The following AKAP12 variants were observed in gnomAD, a reference collection of about 807,000 sequenced individuals.
The protein encoded by AKAP12 is A-kinase anchoring protein 12.
A neutral mutation model predicts 79.9 loss-of-function variants in AKAP12; 32 were observed. The ratio of observed to expected loss-of-function variants is 0.40; its 90% CI spans 0.30 to 0.54. The LOEUF (loss-of-function observed/expected upper bound fraction) is 0.54, where lower values mean the gene tolerates loss of function less well. Ranked by LOEUF, AKAP12 falls within the 20% of genes least tolerant of loss-of-function variation. AKAP12 has a pLI of 0.48. For synonymous variants in AKAP12, 808 were observed against 857.0 expected (o/e 0.94, Z 1.00); for missense variants, 2,074 against 2,177.0 (o/e 0.95, Z 0.94).
intron 4 of AKAP12, 86 bp downstream of exon 4, chr6:151,353,838 AT>A: frequency 1.2e-6 from 1 of 863,660 alleles, no homozygotes; most frequent in African/African-American, 1.7e-5. Flanking sequence ...GGAGCAAATA[AT>A]TAATGCCTTC....
chr6:151,243,755 C>T (rs922036058), intron 2 of AKAP12, among the ~76,000 whole-genome samples: 1 of 152,004 alleles, frequency 6.6e-6, no homozygotes, highest in Non-Finnish European at 1.5e-5. Flanking sequence ...GAGACATGGC[C>T]GTTTCACAAC....
In AKAP12 at chr6:151,343,678, G is replaced by A. The variant is rs187359838; in HGVS notation, c.320-5033G>A. Reference sequence around the variant, plus strand: ...AGCCACCTGTAATCCCAGCTACTTGGGAAGCTGAGGCAGGAGAATCGCTTG... The same window carrying A: ...AGCCACCTGTAATCCCAGCTACTTGAGAAGCTGAGGCAGGAGAATCGCTTG... On this transcript the variant is annotated intron_variant, in intron 3 of 4. Coordinates refer to ENST00000402676, the MANE Select transcript of AKAP12 (RefSeq NM_005100.4). Among the ~76,000 whole-genome samples, 519 of 152,256 alleles carry A rather than the reference G, an allele frequency of 3.4e-3. 1 individual carries two copies. Among genetic ancestry groups the A allele is most frequent in the Non-Finnish European group, 5.8e-3 (397 of 68,020 alleles).
At position 151,353,097 on chromosome 6, in the gene AKAP12, C is replaced by T. The variant is rs562855682; in HGVS notation, c.4706C>T (p.Thr1569Ile). The T allele has an allele frequency of 6.2e-7, 1 of 1,614,178 alleles. No homozygotes were observed. Among genetic ancestry groups the T allele is most frequent in the South Asian group, 1.1e-5 (1 of 91,076 alleles). ...TTTGTACGTACAGAAGAAACAGCCA[C>T]CGAAATGTTGACGTCTGAGTTACAG... ...DQFVRTEETA[T>I]EMLTSELQTQ... Residue 1569 changes from threonine to isoleucine, a missense_variant, in exon 4 of 5, where the codon ACC becomes ATC. Physicochemically the swap from Thr to Ile is moderately conservative, Grantham distance 89. Coordinates refer to ENST00000402676, the MANE Select transcript of AKAP12 (RefSeq NM_005100.4).
rs747078366 is a variant in AKAP12 at position 151,348,820 on chromosome 6, C to T, written c.429C>T (p.Pro143=). 3.3e-5 allele frequency: 53 copies of T among 1,613,780 alleles called. No individual in the cohort carries two copies. The South Asian group carries it at 5.1e-4, about 15-fold the overall frequency. The change falls in exon 4 of 5, where the codon CCC becomes CCT. Residue 143 remains proline (P), a synonymous_variant. Transcript: ENST00000402676. ...CAGATGATGGGCAGGAGGAGACACC[C>T]GAAATAATCGAACAGATTCCTTCTT... The part of the protein sequence containing the change: ...DITDDGQEET[P]EIIEQIPSSE...
intron 3 of AKAP12, among the ~76,000 whole-genome samples, chr6:151,344,846 T>TAAC (rs1342342623): frequency 6.6e-6 from 1 of 152,172 alleles, no homozygotes; most frequent in East Asian, 1.9e-4. Flanking sequence ...GTTTTTTATT[T>TAAC]AACTTTCTGG....
intron 3 of AKAP12, chr6:151,325,547 G>A (rs1472246245): frequency 1.6e-6 from 2 of 1,257,750 alleles, no homozygotes; most frequent in East Asian, 3.9e-5. Flanking sequence ...CCCGGGCGGG[G>A]AAGTTTGCGC....
intron 2 of AKAP12, among the ~76,000 whole-genome samples, chr6:151,282,892 A>G (rs928500459): frequency 6.6e-6 from 1 of 152,244 alleles, no homozygotes; most frequent in Admixed American, 6.5e-5. Flanking sequence ...GAAAGTTGCT[A>G]TCTTCATCTT....
chr6:151,351,352 C>G lies in AKAP12; in HGVS notation c.2961C>G (p.Ala987=), dbSNP rs201486403. ...TAAETAGPLG[A]EEGTEASAAE... ...CAGAAACTGCAGGGCCATTGGGTGC[C>G]GAAGAAGGAACCGAAGCATCTGCTG... Residue 987 remains alanine (A), a synonymous_variant, in exon 4 of 5, where the codon GCC becomes GCG. Transcript: ENST00000402676. The surrounding 1 kb of genome is among the most constrained non-coding windows in gnomAD (Gnocchi z 4.4). 2.5e-6 allele frequency: 4 copies of G among 1,614,110 alleles called. No individual in the cohort carries two copies. The South Asian group carries it at 4.4e-5, about 18-fold the overall frequency.
intron 3 of AKAP12, chr6:151,341,659 G>T (rs1224909464): frequency 8.8e-7 from 1 of 1,138,662 alleles, no homozygotes; most frequent in Admixed American, 4.3e-5. Flanking sequence ...GGCTGCGCGC[G>T]CCATGCCCTG....
chr6:151,310,364 C>CAA (rs540889501), intron 3 of AKAP12, among the ~76,000 whole-genome samples: 1 of 142,882 alleles, frequency 7.0e-6, no homozygotes, highest in African/African-American at 2.6e-5. Flanking sequence ...AACTCCATCT[C>CAA]AAAAAAAAAA....
In AKAP12 at chr6:151,349,892, G is replaced by A; in HGVS notation, c.1501G>A (p.Glu501Lys). The A allele has an allele frequency of 6.2e-7, 1 of 1,614,188 alleles. No individual in the cohort carries two copies. The highest frequency in any genetic ancestry group is 2.2e-5 in the East Asian group (1 of 44,874). ...CCCCGAAGGCGTTGTGAGTGAGGTG[G>A]AAATGCTGTCATCACAGGAGAGAAT... Reference protein sequence around the residue: ...KPPEGVVSEVEMLSSQERMKV... With the variant: ...KPPEGVVSEVKMLSSQERMKV... Residue 501 changes from glutamate to lysine, a missense_variant, in exon 4 of 5, where the codon GAA (glutamate) becomes AAA (lysine). By Grantham distance (56) the Glu-to-Lys change is moderately conservative. Transcript: ENST00000402676.
intron 3 of AKAP12, among the ~76,000 whole-genome samples, chr6:151,315,425 A>T (rs939968538): frequency 6.6e-6 from 1 of 152,162 alleles, no homozygotes; most frequent in Non-Finnish European, 1.5e-5. Context: ...TGAGTGCTCC[A>T]TCCTGAGGCT....
chr6:151,331,062 A>G (rs1000368905), intron 3 of AKAP12, among the ~76,000 whole-genome samples: 1 of 152,246 alleles, frequency 6.6e-6, no homozygotes, highest in African/African-American at 2.4e-5. Context: ...ATCTGGAGAT[A>G]AACCCAGGTT....
chr6:151,254,410 T>C (rs1183423485), intron 2 of AKAP12, among the ~76,000 whole-genome samples: 1 of 152,036 alleles, frequency 6.6e-6, no homozygotes, highest in Non-Finnish European at 1.5e-5. Flanking sequence ...GGAGTGCAGT[T>C]GTGTGATCTC....
intron 3 of AKAP12, among the ~76,000 whole-genome samples, chr6:151,328,653 AT>A (rs1157112034): frequency 6.9e-6 from 1 of 145,862 alleles, no homozygotes; most frequent in African/African-American, 2.6e-5. Context: ...AAAAAAAAAA[AT>A]TAAATTGACA....
intron 3 of AKAP12, among the ~76,000 whole-genome samples, chr6:151,316,704 C>T (rs1032956279): frequency 4.6e-5 from 7 of 152,144 alleles, no homozygotes; most frequent in African/African-American, 1.4e-4. Context: ...GATCTCGGCT[C>T]GCTGCAACCT....
intron 2 of AKAP12, among the ~76,000 whole-genome samples, chr6:151,297,469 A>T (rs1662023188): frequency 6.6e-6 from 1 of 150,938 alleles, no homozygotes; most frequent in African/African-American, 2.4e-5. Context: ...GCTACTCAGG[A>T]GGCTGAGGCA....
In AKAP12 at chr6:151,353,152, C is replaced by CCAGGA. The variant is rs1778347017; in HGVS notation, c.4763_4767dup (p.Ala1590ArgfsTer47). ...AAGCTCACGTGATAAAAGCTGACAG[C>CCAGGA]CAGGACGCTGGACAGGAAACGGAGA... On this transcript the variant is annotated frameshift_variant, in exon 4 of 5. Coordinates refer to ENST00000402676, the MANE Select transcript of AKAP12 (RefSeq NM_005100.4). LOFTEE classifies it low-confidence loss of function (END_TRUNC). The CCAGGA allele has an allele frequency of 6.2e-7, 1 of 1,614,030 alleles. No individual in the cohort carries two copies. Among genetic ancestry groups the CCAGGA allele is most frequent in the Non-Finnish European group, 8.5e-7 (1 of 1,180,038 alleles).
At chr6:151,348,101 C>T (rs1336146496) in intron 3 of AKAP12, among the ~76,000 whole-genome samples, 1 of 151,644 alleles carries the variant, frequency 6.6e-6, no homozygotes, top group Non-Finnish European at 1.5e-5. Flanking sequence ...TGCAGTGAGC[C>T]ACGATCGTGC....
Sources: allele counts gnomAD v4.1 joint callset (sites outside exome capture counted in the v4.1 genomes callset), GRCh38; gene constraint gnomAD v4.1.1; non-coding constraint Gnocchi (gnomAD v3.1); transcripts MANE v1.5; gene names NCBI Gene and HGNC (gene_info 2026-07-23, HGNC 2026-07-21).